Variants in HOXB3 observed in about 807,000 individuals in gnomAD.
The protein encoded by HOXB3 is homeobox protein Hox-B3.
HOXB3 carries 17 observed loss-of-function variants against 29.2 expected under a neutral mutation model. The ratio of observed to expected loss-of-function variants is 0.58; its 90% CI spans 0.40 to 0.87. The LOEUF is 0.87. HOXB3 is among the 40% of genes least tolerant of loss of function. The pLI is 0.00. For missense variants in HOXB3, 637 were observed against 616.3 expected (o/e 1.03, Z -0.35); for synonymous variants, 317 against 285.9 (o/e 1.11, Z -1.10).
chr17:48,551,961 C>G (rs1016667174), intron 4 of HOXB3, 66 bp downstream of exon 4: 2 of 1,465,490 alleles, frequency 1.4e-6, no homozygotes, highest in Non-Finnish European at 1.8e-6. Context: ...GGGCTGGGTG[C>G]TAGAATAACA....
Position 48,550,773 on chromosome 17 carries a change from T to C in HOXB3, c.857A>G (p.Tyr286Cys). The change falls in exon 5 of 5, where the codon TAC (tyrosine) becomes TGC (cysteine). Residue 286 changes from tyrosine (Y) to cysteine (C), a missense_variant. Tyr to Cys is a radical substitution (Grantham distance 194, BLOSUM62 -2). Transcript: ENST00000498678. ...GAAGGCGGGTGGGGACGGGCTCTCG[T>C]AGCTGGGGGTCATGGAGTGTAAGGC... The part of the protein sequence containing the change: ...MNALHSMTPS[Y>C]ESPSPPAFGK... The C allele has an allele frequency of 6.2e-7, 1 of 1,604,140 alleles. No individual in the cohort carries two copies. Among genetic ancestry groups the C allele is most frequent in the Non-Finnish European group, 8.5e-7 (1 of 1,173,026 alleles).
chr17:48,583,208 T>TGCTGG, intron 1 of HOXB3, among the ~76,000 whole-genome samples: 1 of 152,096 alleles, frequency 6.6e-6, no homozygotes, highest in East Asian at 1.9e-4. Flanking sequence ...CTGAGAGAGG[T>TGCTGG]GCTGGGCTGG....
Position 48,550,304 on chromosome 17 carries a change from C to T in HOXB3, c.*30G>A. The T allele has an allele frequency of 1.9e-6, 3 of 1,613,058 alleles. No individual in the cohort carries two copies. The highest frequency in any genetic ancestry group is 2.5e-6 in the Non-Finnish European group (3 of 1,179,838). On this transcript the variant is annotated 3_prime_UTR_variant, in exon 5 of 5. Transcript: ENST00000498678. ...GCTCCACAGTCTCTCTCTTCCTCCC[C>T]ATCCCCTAATCCTCGTTCGCCCTTT...
chr17:48,577,640 G>A (rs191943305), intron 1 of HOXB3, among the ~76,000 whole-genome samples: 4 of 152,290 alleles, frequency 2.6e-5, no homozygotes, highest in African/African-American at 9.6e-5. Flanking sequence ...GAAGAGGATG[G>A]GGAACCTACT....
intron 1 of HOXB3, among the ~76,000 whole-genome samples, chr17:48,587,029 C>T (rs1426141670): frequency 1.3e-5 from 2 of 152,036 alleles, no homozygotes; most frequent in Non-Finnish European, 2.9e-5. Flanking sequence ...TCCCCCACCC[C>T]GCCAACCATT....
intron 2 of HOXB3, among the ~76,000 whole-genome samples, chr17:48,571,798 CT>C (rs1300199756): frequency 6.6e-6 from 1 of 152,226 alleles, no homozygotes; most frequent in Admixed American, 6.5e-5. Context: ...CCTCCAGCCC[CT>C]CTACTTATGC....
At chr17:48,571,451 A>C (rs2069583892) in intron 2 of HOXB3, among the ~76,000 whole-genome samples, 1 of 152,226 alleles carries the variant, frequency 6.6e-6, no homozygotes, top group South Asian at 2.1e-4. Flanking sequence ...ACTGGGGAGA[A>C]AGAGGGAAAG....
At chr17:48,572,112 G>A (rs1459494248) in intron 2 of HOXB3, among the ~76,000 whole-genome samples, 1 of 152,146 alleles carries the variant, frequency 6.6e-6, no homozygotes, top group Non-Finnish European at 1.5e-5. Context: ...TATGTTCAGG[G>A]CTCACTGTTT....
Position 48,559,170 on chromosome 17 carries a change from G to GCGA in HOXB3, c.-246-3555_-246-3553dup, listed in dbSNP as rs541878633. 2.4e-3 allele frequency among the ~76,000 whole-genome samples: 366 copies of GCGA among 152,110 alleles called. 3 individuals are homozygous for GCGA. The highest frequency in any genetic ancestry group is 6.8e-3 in the Middle Eastern group (2 of 294). On this transcript the variant is annotated intron_variant, in intron 2 of 4. Coordinates refer to ENST00000498678, the MANE Select transcript of HOXB3 (RefSeq NM_001384749.1). ...CACCCCACTGGGTACCCAGTATCAG[G>GCGA]CGACGGGAGCACTTTAAACCCTCTG...
At chr17:48,555,389 GGA>G (rs1192173176) in intron 3 of HOXB3, 140 bp downstream of exon 3, 279 of 467,586 alleles carry the variant, frequency 6.0e-4, no homozygotes, top group African/African-American at 4.1e-3. Context: ...AGGGAGGGAG[GGA>G]GAGAGAGAGT....
rs1241050316 is a variant in HOXB3, at chr17:48,551,111, G to T, written c.519C>A (p.Gly173=). 1.6e-5 allele frequency: 22 copies of T among 1,352,684 alleles called. No individual in the cohort carries two copies. Among genetic ancestry groups the T allele is most frequent in the Non-Finnish European group, 2.0e-5 (21 of 1,051,056 alleles). The allele number at this position is 1,352,684 out of a possible 1,614,324, so 83.8% of individuals were successfully genotyped here. A position where few individuals can be genotyped will look rare whatever the true frequency, so the allele number is the denominator to read the frequency against. Residue 173 remains glycine (G), a synonymous_variant, in exon 5 of 5, where the codon GGC becomes GGA. Transcript: ENST00000498678. ...GGCTCTTGTCCCCTCCCCCGCCGCC[G>T]CCGCCACCGCCCCCGCTGCCACCAC... ...GGSGGSGGGG[G]GGGGGDKSPP... is the part of the protein sequence containing the mutation.
At position 48,554,410 on chromosome 17, in the gene HOXB3, C is replaced by G; in HGVS notation, c.-159+1121G>C. On this transcript the variant is annotated intron_variant, in intron 3 of 4. Transcript: ENST00000498678. The surrounding 1 kb of genome is among the most constrained non-coding windows in gnomAD (Gnocchi z 4.1). ...AGATGCCTGGGGCCGAAATTCCTGC[C>G]GCTCCCCTTGCAATAAACCCCAAAC... 1.8e-6 allele frequency: 1 copy of G among 552,828 alleles called. No homozygotes were observed. Among genetic ancestry groups the G allele is most frequent in the East Asian group, 3.0e-5 (1 of 33,738 alleles). 34.2% of individuals were successfully genotyped at this position (552,828 alleles called of 1,614,324 possible). A position where few individuals can be genotyped will look rare whatever the true frequency, so the allele number is the denominator to read the frequency against.
intron 2 of HOXB3, among the ~76,000 whole-genome samples, chr17:48,562,088 G>A (rs2069217082): frequency 6.6e-6 from 1 of 152,172 alleles, no homozygotes; most frequent in Non-Finnish European, 1.5e-5. Context: ...CTCATGCACT[G>A]CGTTTTACTG....
chr17:48,588,438 A>G (rs918133712), intron 1 of HOXB3, among the ~76,000 whole-genome samples: 1 of 152,198 alleles, frequency 6.6e-6, no homozygotes, highest in African/African-American at 2.4e-5. Flanking sequence ...AGGCCTTACT[A>G]TCTGGGGTTC....
chr17:48,551,075 C>G lies in HOXB3; in HGVS notation c.555G>C (p.Ser185=). Residue 185 remains serine (S), a synonymous_variant, in exon 5 of 5, where the codon TCG becomes TCC. Coordinates refer to ENST00000498678, the MANE Select transcript of HOXB3 (RefSeq NM_001384749.1). ...GGGGDKSPPG[S]AASKRARTAY... ...CCGTCCGCGCCCGCTTGGACGCCGCCGACCCCGGGGGGCTCTTGTCCCCTC... is the reference window on the plus strand; with the variant it reads ...CCGTCCGCGCCCGCTTGGACGCCGCGGACCCCGGGGGGCTCTTGTCCCCTC... 1 of 1,534,294 alleles carries G rather than the reference C, an allele frequency of 6.5e-7. No individual in the cohort carries two copies. The highest frequency in any genetic ancestry group is 8.8e-7 in the Non-Finnish European group (1 of 1,135,972).
chr17:48,551,910 G>C, intron 4 of HOXB3, 117 bp downstream of exon 4: 1 of 926,624 alleles, frequency 1.1e-6, no homozygotes, highest in Non-Finnish European at 1.7e-6. Context: ...GTACCCGCTG[G>C]CCACCTAATA....
chr17:48,558,144 G>GA (rs1414751265), intron 2 of HOXB3, among the ~76,000 whole-genome samples: 2 of 152,172 alleles, frequency 1.3e-5, no homozygotes, highest in Non-Finnish European at 2.9e-5. Flanking sequence ...GAGAAGAGGA[G>GA]AACCTGATCG....
rs1165068325 is a variant in HOXB3, at chr17:48,550,187, G to T, written c.*147C>A. The T allele has an allele frequency of 2.0e-6, 2 of 1,022,076 alleles. No individual in the cohort carries two copies. Among genetic ancestry groups the T allele is most frequent in the Non-Finnish European group, 1.4e-6 (1 of 712,306 alleles). The allele number at this position is 1,022,076 out of a possible 1,614,324, so 63.3% of individuals were successfully genotyped here. Reference sequence around the variant, plus strand: ...TAAAAGCAACCTCTCAGGCCAGGGGGAAGGGAAGGAGCTCCAGGCCGGTTC... The same window carrying T: ...TAAAAGCAACCTCTCAGGCCAGGGGTAAGGGAAGGAGCTCCAGGCCGGTTC... On this transcript the variant is annotated 3_prime_UTR_variant, in exon 5 of 5. Transcript: ENST00000498678.
chr17:48,585,799 C>T (rs1293911659), intron 1 of HOXB3, among the ~76,000 whole-genome samples: 2 of 152,164 alleles, frequency 1.3e-5, no homozygotes, highest in South Asian at 2.1e-4. Flanking sequence ...TCTATCATGC[C>T]TCCAAATCCC....
Sources: gnomAD v4.1 joint callset for allele counts (sites outside exome capture counted in the v4.1 genomes callset) on GRCh38, gnomAD v4.1.1 for gene constraint, Gnocchi (gnomAD v3.1) non-coding constraint, MANE v1.5 for transcripts, NCBI Gene and HGNC (gene_info 2026-07-23, HGNC 2026-07-21) for gene names.